Variants in ADAMTS12 observed in about 807,000 individuals in gnomAD.
ADAMTS12 encodes the protein A disintegrin and metalloproteinase with thrombospondin motifs 12.
In ADAMTS12, 118 loss-of-function variants were observed where a neutral mutation model predicts 167.8. That is an observed-to-expected ratio of 0.70 (90% CI 0.61 to 0.82). The LOEUF is 0.82. Among genes scored for constraint, ADAMTS12 ranks in the 40% least tolerant of loss-of-function variants. The pLI, the probability that ADAMTS12 is intolerant of heterozygous loss-of-function variation, is 0.00. For missense variants in ADAMTS12, 1,916 were observed against 1,998.8 expected, an observed-to-expected ratio of 0.96 and a Z score of 0.79; for synonymous variants, 704 against 716.9, an observed-to-expected ratio of 0.98 and a Z score of 0.29.
chr5:33,564,576 A>G (rs1013194661), intron 19 of ADAMTS12, among the ~76,000 whole-genome samples: 1 of 152,166 alleles, frequency 6.6e-6, no homozygotes, highest in Admixed American at 6.5e-5. Context: ...AAAAGATAGG[A>G]GAAGGGAGAG....
intron 5 of ADAMTS12, among the ~76,000 whole-genome samples, chr5:33,676,325 T>C (rs1741900288): frequency 6.6e-6 from 1 of 152,172 alleles, no homozygotes; most frequent in African/African-American, 2.4e-5. Flanking sequence ...TTTGACTCAG[T>C]GCACAATCTG....
chr5:33,547,529 A>G (rs1745040771), intron 21 of ADAMTS12, among the ~76,000 whole-genome samples: 1 of 152,132 alleles, frequency 6.6e-6, no homozygotes, highest in African/African-American at 2.4e-5. Flanking sequence ...AGTCAGCACC[A>G]CGGGCAAGGA....
At chr5:33,796,242 A>ACCACAGCCCCATG (rs1746771970) in intron 2 of ADAMTS12, among the ~76,000 whole-genome samples, 1 of 152,200 alleles carries the variant, frequency 6.6e-6, no homozygotes, top group Admixed American at 6.5e-5. Flanking sequence ...AGAGTTCATC[A>ACCACAGCCCCATG]CCAGTAGGTG....
rs535049088 is a variant in ADAMTS12, at chr5:33,766,319, T to A, written c.490-14771A>T. 1.1e-4 allele frequency among the ~76,000 whole-genome samples: 16 copies of A among 152,250 alleles called. No homozygotes were observed. The East Asian group carries it at 3.1e-3, about 29-fold the overall frequency. ...CTGCTGTGTTCTTCTCCAAAATCCA[T>A]AACCCCAGTCTAACCATGAGAAAAA... is the stretch of plus-strand genomic sequence containing the variant. On this transcript the variant is annotated intron_variant, in intron 2 of 23. Transcript: ENST00000504830.
chr5:33,713,488 C>A (rs1743482414), intron 3 of ADAMTS12, among the ~76,000 whole-genome samples: 1 of 152,002 alleles, frequency 6.6e-6, no homozygotes, highest in East Asian at 1.9e-4. Flanking sequence ...ATTTTTAATC[C>A]TCAAAACCAC....
intron 2 of ADAMTS12, among the ~76,000 whole-genome samples, chr5:33,848,558 T>C (rs1343430821): frequency 6.6e-6 from 1 of 152,156 alleles, no homozygotes; most frequent in Non-Finnish European, 1.5e-5. Context: ...GAAGTCAAAT[T>C]TGTGTTTCCC....
intron 22 of ADAMTS12, among the ~76,000 whole-genome samples, chr5:33,536,369 A>G (rs1393947365): frequency 1.3e-5 from 2 of 152,002 alleles, no homozygotes; most frequent in African/African-American, 4.8e-5. Context: ...TTCCAATTTT[A>G]TTTTTTATTT....
At chr5:33,591,222 A>G (rs1253883039) in intron 17 of ADAMTS12, among the ~76,000 whole-genome samples, 2 of 152,078 alleles carry the variant, frequency 1.3e-5, no homozygotes, top group Non-Finnish European at 2.9e-5. Flanking sequence ...GGGATGGGTT[A>G]GAGACCCTTT....
At chr5:33,598,605 A>T (rs562919290) in intron 16 of ADAMTS12, among the ~76,000 whole-genome samples, 1 of 152,324 alleles carries the variant, frequency 6.6e-6, no homozygotes, top group Non-Finnish European at 1.5e-5. Flanking sequence ...GACAAAGTTT[A>T]ATCATTGGAA....
chr5:33,600,174 C>T (rs968393044), intron 16 of ADAMTS12, among the ~76,000 whole-genome samples: 1 of 152,176 alleles, frequency 6.6e-6, no homozygotes, highest in Non-Finnish European at 1.5e-5. Flanking sequence ...GAACTAAATT[C>T]AAAATGTTAT....
At chr5:33,718,816 T>G (rs1743702415) in intron 3 of ADAMTS12, among the ~76,000 whole-genome samples, 2 of 152,172 alleles carry the variant, frequency 1.3e-5, no homozygotes, top group Non-Finnish European at 2.9e-5. Flanking sequence ...AGCAGTGCAC[T>G]TTCTAACGAC....
chr5:33,587,359 T>G (rs966056465), intron 18 of ADAMTS12, among the ~76,000 whole-genome samples: 1 of 152,232 alleles, frequency 6.6e-6, no homozygotes, highest in African/African-American at 2.4e-5. Flanking sequence ...CCATTCTAAT[T>G]GACTTTCTGT....
At chr5:33,769,730 G>A (rs903375100) in intron 2 of ADAMTS12, among the ~76,000 whole-genome samples, 2 of 152,130 alleles carry the variant, frequency 1.3e-5, no homozygotes, top group Admixed American at 6.5e-5. Flanking sequence ...TGGGTCAAAT[G>A]TAAGGCATGA....
At chr5:33,662,352 T>C (rs1056183140) in intron 5 of ADAMTS12, among the ~76,000 whole-genome samples, 1 of 152,180 alleles carries the variant, frequency 6.6e-6, no homozygotes, top group African/African-American at 2.4e-5. Context: ...TATTTGAAGG[T>C]CTATTTCTGT....
At position 33,615,912 on chromosome 5, in the gene ADAMTS12, T is replaced by A; in HGVS notation, c.2304A>T (p.Ala768=). The A allele has an allele frequency of 6.2e-7, 1 of 1,614,168 alleles. No homozygotes were observed. The highest frequency in any genetic ancestry group is 8.5e-7 in the Non-Finnish European group (1 of 1,180,012). The change falls in exon 15 of 24, where the codon GCA becomes GCT. Residue 768 remains alanine (A), a synonymous_variant. Transcript: ENST00000504830. ...IIQWNGNYKL[A]GTVFQYDRKG... is the part of the protein sequence containing the mutation. ...TCCTGTCATACTGAAAGACAGTCCC[T>A]GCCAGCTTATAGTTCCCGTTCCACT... is the stretch of plus-strand genomic sequence containing the variant.
chr5:33,838,458 A>G (rs1748614346), intron 2 of ADAMTS12, among the ~76,000 whole-genome samples: 1 of 152,136 alleles, frequency 6.6e-6, no homozygotes, highest in African/African-American at 2.4e-5. Flanking sequence ...CGAAGAAGGC[A>G]GATCACTTGA....
chr5:33,807,656 A>G (rs1026490850), intron 2 of ADAMTS12, among the ~76,000 whole-genome samples: 9 of 152,222 alleles, frequency 5.9e-5, no homozygotes, highest in Admixed American at 5.9e-4. Context: ...ATGCAGTCAT[A>G]AAAATGAAGG....
chr5:33,782,618 T>G (rs113075435), intron 2 of ADAMTS12, among the ~76,000 whole-genome samples: 1 of 152,054 alleles, frequency 6.6e-6, no homozygotes, highest in East Asian at 1.9e-4. Flanking sequence ...ATGGAGACCA[T>G]AATCATAAAA....
intron 5 of ADAMTS12, among the ~76,000 whole-genome samples, chr5:33,665,285 TAGAA>T (rs1741424839): frequency 6.6e-6 from 1 of 152,110 alleles, no homozygotes. Flanking sequence ...TCAGTTTAGA[TAGAA>T]GGAATAAGTT....
Sources: gnomAD v4.1 joint callset for allele counts (sites outside exome capture counted in the v4.1 genomes callset) on GRCh38, gnomAD v4.1.1 for gene constraint, MANE v1.5 for transcripts, NCBI Gene and HGNC (gene_info 2026-07-23, HGNC 2026-07-21) for gene names.